Variants in MTUS1 observed in about 807,000 individuals in gnomAD.
The protein encoded by MTUS1 is microtubule associated scaffold protein 1.
Under a neutral mutation model 120.8 loss-of-function variants are expected in MTUS1, and 109 were observed. That is an observed-to-expected ratio of 0.90 (90% CI 0.77 to 1.06). The LOEUF (loss-of-function observed/expected upper bound fraction) is 1.06. MTUS1 is among the 50% of genes least tolerant of loss of function. The pLI is 0.00. For synonymous variants in MTUS1, 737 were observed against 550.5 expected, an observed-to-expected ratio of 1.34 and a Z score of -4.74; for missense variants, 2,210 against 1,486.3, an observed-to-expected ratio of 1.49 and a Z score of -8.01.
chr8:17,799,254 G>A (rs902934514), intron 1 of MTUS1, among the ~76,000 whole-genome samples: 1 of 151,880 alleles, frequency 6.6e-6, no homozygotes, highest in Admixed American at 6.6e-5. Flanking sequence ...TTTAGTAAGT[G>A]GAAATAAATG....
At chr8:17,663,600 GTTTTGTTTT>G (rs1005420411) in intron 8 of MTUS1, among the ~76,000 whole-genome samples, 10 of 88,798 alleles carry the variant, frequency 1.1e-4, no homozygotes, top group Non-Finnish European at 1.2e-4. Flanking sequence ...GTTTTGTTTT[GTTTTGTTTT>G]TTTTGAGACA....
At chr8:17,788,910 G>A (rs1477791276) in intron 1 of MTUS1, among the ~76,000 whole-genome samples, 1 of 152,114 alleles carries the variant, frequency 6.6e-6, no homozygotes, top group African/African-American at 2.4e-5. Flanking sequence ...ACAATGAGCT[G>A]TTTGTATAGA....
rs981038923 is a variant in MTUS1, at chr8:17,658,704, G to A, written c.2906-2639C>T. 3.9e-5 allele frequency among the ~76,000 whole-genome samples: 6 copies of A among 152,134 alleles called. 1 individual carries two copies. The highest frequency in any genetic ancestry group is 3.9e-4 in the Admixed American group (6 of 15,278). On this transcript the variant is annotated intron_variant, in intron 8 of 14. Coordinates refer to ENST00000693296, the MANE Select transcript of MTUS1 (RefSeq NM_001363059.2). Reference sequence around the variant, plus strand: ...AAGATTATTTTAGGGCACAGAAAAGGACAATTTAGATCAATAATTATTTGG... The same window carrying A: ...AAGATTATTTTAGGGCACAGAAAAGAACAATTTAGATCAATAATTATTTGG...
At chr8:17,646,608 C>T (rs549396720) in intron 14 of MTUS1, among the ~76,000 whole-genome samples, 339 of 152,188 alleles carry the variant, frequency 2.2e-3, no homozygotes, top group African/African-American at 7.8e-3. Flanking sequence ...ATAATAATAA[C>T]TGTACTTTTT....
At chr8:17,656,700 G>C (rs1216114527) in intron 8 of MTUS1, among the ~76,000 whole-genome samples, 1 of 151,970 alleles carries the variant, frequency 6.6e-6, no homozygotes, top group Non-Finnish European at 1.5e-5. Flanking sequence ...ACATTTCTTA[G>C]GACAAGCGAC....
Position 17,713,272 on chromosome 8 carries a change from T to C in MTUS1, c.2585-20A>G, listed in dbSNP as rs899127382. The C allele has an allele frequency of 6.5e-6, 9 of 1,389,370 alleles. No homozygotes were observed. Among genetic ancestry groups the C allele is most frequent in the Admixed American group, 3.5e-5 (2 of 56,516 alleles). 86.1% of individuals were successfully genotyped at this position (1,389,370 alleles called of 1,614,324 possible). A position where few individuals can be genotyped will look rare whatever the true frequency, so the allele number is the denominator to read the frequency against. On this transcript the variant is annotated intron_variant, in intron 5 of 14. Coordinates refer to ENST00000693296, the MANE Select transcript of MTUS1 (RefSeq NM_001363059.2). Reference sequence around the variant, plus strand: ...AAGGACCTAAGATATAAAAGAAACATGTAAAATACATATGTTTTATTTGAC... The same window carrying C: ...AAGGACCTAAGATATAAAAGAAACACGTAAAATACATATGTTTTATTTGAC...
At chr8:17,692,463 C>G (rs1005150078) in intron 6 of MTUS1, among the ~76,000 whole-genome samples, 6 of 152,172 alleles carry the variant, frequency 3.9e-5, no homozygotes, top group African/African-American at 1.2e-4. Flanking sequence ...TGCTTTTCTT[C>G]AGGTGAGACA....
intron 1 of MTUS1, among the ~76,000 whole-genome samples, chr8:17,779,430 G>A (rs1166056782): frequency 6.6e-6 from 1 of 152,208 alleles, no homozygotes; most frequent in Non-Finnish European, 1.5e-5. Context: ...TCCCTGAAAT[G>A]AGGTTGCCTA....
chr8:17,785,053 G>A (rs553711646), intron 1 of MTUS1, among the ~76,000 whole-genome samples: 1 of 152,208 alleles, frequency 6.6e-6, no homozygotes, highest in Admixed American at 6.5e-5. Context: ...CCAAAGTGCT[G>A]GGATTACAGG....
chr8:17,706,492 C>T (rs1585837712), intron 6 of MTUS1, among the ~76,000 whole-genome samples: 1 of 152,136 alleles, frequency 6.6e-6, no homozygotes, highest in African/African-American at 2.4e-5. Context: ...AATGATGTAA[C>T]ATTTTAAACT....
intron 6 of MTUS1, among the ~76,000 whole-genome samples, chr8:17,691,798 C>T (rs1816994537): frequency 6.6e-6 from 1 of 152,140 alleles, no homozygotes; most frequent in African/African-American, 2.4e-5. Flanking sequence ...TACTTACTGT[C>T]ACCTTAACAG....
rs1816178773 is a variant in MTUS1 at position 17,687,998 on chromosome 8, C to T, written c.2624-3456G>A. Among the ~76,000 whole-genome samples the T allele has an allele frequency of 2.6e-5, 4 of 152,158 alleles. No homozygotes were observed. In the South Asian group the frequency reaches 8.3e-4, roughly 32 times the overall value. On this transcript the variant is annotated intron_variant, in intron 6 of 14. Coordinates refer to ENST00000693296, the MANE Select transcript of MTUS1 (RefSeq NM_001363059.2). The stretch of plus-strand genomic sequence containing the variant: ...ACCTAACCATTAAGACATGGACTAA[C>T]CGTAACCACATACTAGCAGCTGAGG...
intron 2 of MTUS1, among the ~76,000 whole-genome samples, chr8:17,752,877 C>A (rs753065376): frequency 1.3e-5 from 2 of 152,184 alleles, no homozygotes; most frequent in African/African-American, 4.8e-5. Flanking sequence ...ACATGCCCAA[C>A]GACCAACAGT....
At chr8:17,752,847 C>G (rs2048303650) in intron 2 of MTUS1, among the ~76,000 whole-genome samples, 1 of 152,126 alleles carries the variant, frequency 6.6e-6, no homozygotes, top group Non-Finnish European at 1.5e-5. Context: ...GTCCCCACTG[C>G]CAAAAATAGG....
chr8:17,751,514 G>A (rs1210665112), intron 2 of MTUS1, among the ~76,000 whole-genome samples: 1 of 152,114 alleles, frequency 6.6e-6, no homozygotes, highest in Non-Finnish European at 1.5e-5. Context: ...ATGGAAATGT[G>A]CAAGAGGTAA....
chr8:17,782,867 CAGGAG>C (rs2050981175), intron 1 of MTUS1, among the ~76,000 whole-genome samples: 1 of 152,180 alleles, frequency 6.6e-6, no homozygotes, highest in African/African-American at 2.4e-5. Context: ...CACCTGAAGT[CAGGAG>C]TTCGGGACCA....
At chr8:17,693,538 G>A (rs541817387) in intron 6 of MTUS1, among the ~76,000 whole-genome samples, 1 of 152,312 alleles carries the variant, frequency 6.6e-6, no homozygotes, top group East Asian at 1.9e-4. Context: ...TCTATGCTCA[G>A]AAATACTACA....
Position 17,755,721 on chromosome 8 carries a change from G to A in MTUS1, c.87C>T (p.Tyr29=). The change falls in exon 2 of 15, where the codon TAC becomes TAT. Residue 29 remains tyrosine (Y), a synonymous_variant. Coordinates refer to ENST00000693296, the MANE Select transcript of MTUS1 (RefSeq NM_001363059.2). The part of the protein sequence containing the change: ...TSDKDGNTHA[Y]NPKSPPTQNS... Reference sequence around the variant, plus strand: ...TTTGTGTAGGTGGTGATTTCGGGTTGTATGCATGTGTATTTCCATCTTTAT... The same window carrying A: ...TTTGTGTAGGTGGTGATTTCGGGTTATATGCATGTGTATTTCCATCTTTAT... 2 of 1,614,032 alleles carry A rather than the reference G, an allele frequency of 1.2e-6. No individual in the cohort carries two copies. Among genetic ancestry groups the A allele is most frequent in the East Asian group, 2.2e-5 (1 of 44,880 alleles).
chr8:17,687,535 A>T (rs1408853599), intron 6 of MTUS1, among the ~76,000 whole-genome samples: 1 of 152,222 alleles, frequency 6.6e-6, no homozygotes, highest in East Asian at 1.9e-4. Flanking sequence ...ACAGAAGTAT[A>T]AATTATTTTG....
Sources: gnomAD v4.1 joint callset for allele counts (sites outside exome capture counted in the v4.1 genomes callset) on GRCh38, gnomAD v4.1.1 for gene constraint, MANE v1.5 for transcripts, NCBI Gene and HGNC (gene_info 2026-07-23, HGNC 2026-07-21) for gene names.